The following OSBPL5 variants were observed in gnomAD, a reference collection of about 807,000 sequenced individuals.
OSBPL5 encodes oxysterol binding protein like 5.
OSBPL5 carries 71 observed loss-of-function variants against 111.2 expected under a neutral mutation model. The observed-to-expected ratio is 0.64, with a 90% CI of 0.53 to 0.78. The LOEUF (loss-of-function observed/expected upper bound fraction) is 0.78. Ranked by LOEUF, OSBPL5 falls within the 30% of genes least tolerant of loss-of-function variation. OSBPL5 has a pLI of 0.00. For synonymous variants in OSBPL5, 549 were observed against 513.9 expected, an observed-to-expected ratio of 1.07 and a Z score of -0.93; for missense variants, 1,210 against 1,189.3, an observed-to-expected ratio of 1.02 and a Z score of -0.26.
At chr11:3,164,812 G>A (rs1847064238) in intron 1 of OSBPL5, among the ~76,000 whole-genome samples, 1 of 152,198 alleles carries the variant, frequency 6.6e-6, no homozygotes, top group Non-Finnish European at 1.5e-5. Flanking sequence ...TGGGGGGACA[G>A]ACCCCCTGAT....
At position 3,107,832 on chromosome 11, in the gene OSBPL5, G is replaced by T; in HGVS notation, c.805C>A (p.Pro269Thr). 6.2e-7 allele frequency: 1 copy of T among 1,612,294 alleles called. No individual in the cohort carries two copies. The highest frequency in any genetic ancestry group is 8.5e-7 in the Non-Finnish European group (1 of 1,179,962). Reference sequence around the variant, plus strand: ...GCTGGCAGCCCACAGAGCGATGAGGGTGATGCGTCTGGCGAGGTCCCTGGC... The same window carrying T: ...GCTGGCAGCCCACAGAGCGATGAGGTTGATGCGTCTGGCGAGGTCCCTGGC... ...GEPGTSPDAS[P>T]SSLCGLPASA... is the part of the protein sequence containing the mutation. The change falls in exon 8 of 22, where the codon CCC becomes ACC. Residue 269 changes from proline to threonine, a missense_variant. Coordinates refer to ENST00000263650, the MANE Select transcript of OSBPL5 (RefSeq NM_020896.4). This position sits in a 1 kb window ranked among gnomAD's most constrained non-coding sequence, Gnocchi z 6.1.
chr11:3,115,521 A>C (rs935456342), intron 7 of OSBPL5, among the ~76,000 whole-genome samples: 2 of 152,216 alleles, frequency 1.3e-5, no homozygotes, highest in Non-Finnish European at 2.9e-5. Flanking sequence ...AAAGCTGTTC[A>C]ACTCCTCAAG....
At chr11:3,090,746 C>T (rs765482704) in intron 19 of OSBPL5, 50 bp from the exon 20 acceptor site, 4 of 1,551,666 alleles carry the variant, frequency 2.6e-6, no homozygotes, top group East Asian at 2.3e-5. Flanking sequence ...CGCCCCCTGC[C>T]CAGGCCCCAG....
Position 3,088,148 on chromosome 11 carries a change from G to A in OSBPL5, c.*57C>T. ...TGCCTCCATGGAGCAGGCTTAAAGT[G>A]CTGGGTGCCTGGGAGGGAGGGCTCA... On this transcript the variant is annotated 3_prime_UTR_variant, in exon 22 of 22. Transcript: ENST00000263650. 1 of 1,455,592 alleles carries A rather than the reference G, an allele frequency of 6.9e-7. No individual in the cohort carries two copies. The highest frequency in any genetic ancestry group is 9.2e-7 in the Non-Finnish European group (1 of 1,091,156). 90.2% of individuals were successfully genotyped at this position (1,455,592 alleles called of 1,614,324 possible). A position where few individuals can be genotyped will look rare whatever the true frequency, so the allele number is the denominator to read the frequency against.
intron 1 of OSBPL5, among the ~76,000 whole-genome samples, chr11:3,143,552 C>T (rs1251832966): frequency 1.3e-5 from 2 of 152,188 alleles, no homozygotes; most frequent in South Asian, 4.1e-4. Flanking sequence ...CTCACACATG[C>T]GACGACACGG....
intron 14 of OSBPL5, among the ~76,000 whole-genome samples, chr11:3,095,617 C>T (rs999410360): frequency 7.9e-5 from 12 of 152,170 alleles, no homozygotes; most frequent in African/African-American, 2.9e-4. Context: ...TCACCAAATA[C>T]GTTCCTATCA....
Position 3,088,197 on chromosome 11 carries a change from C to G in OSBPL5, c.*8G>C, listed in dbSNP as rs753994345. 7.6e-6 allele frequency: 12 copies of G among 1,574,764 alleles called. No homozygotes were observed. The highest frequency in any genetic ancestry group is 1.7e-4 in the Middle Eastern group (1 of 5,890). On this transcript the variant is annotated 3_prime_UTR_variant, in exon 22 of 22. Coordinates refer to ENST00000263650, the MANE Select transcript of OSBPL5 (RefSeq NM_020896.4). Reference sequence around the variant, plus strand: ...CAGGACCGGCCAGGAGCTCTGCCCTCAGGGCTCCTATTTGAGGATGTGGTT... The same window carrying G: ...CAGGACCGGCCAGGAGCTCTGCCCTGAGGGCTCCTATTTGAGGATGTGGTT...
In OSBPL5 at chr11:3,110,336, G is replaced by A. The variant is rs1218512042; in HGVS notation, c.692-2391C>T. ...GAGGTGGGGTAGGGCCCCAACCTCA[G>A]GTTAGAGGGAGGAACGGCCAAGAGG... On this transcript the variant is annotated intron_variant, in intron 7 of 21. Transcript: ENST00000263650. This position sits in a 1 kb window ranked among gnomAD's most constrained non-coding sequence, Gnocchi z 5.3. Among the ~76,000 whole-genome samples the A allele has an allele frequency of 6.6e-6, 1 of 151,792 alleles. No homozygotes were observed. The highest frequency in any genetic ancestry group is 2.4e-5 in the African/African-American group (1 of 41,036).
Position 3,122,111 on chromosome 11 carries a change from C to A in OSBPL5, c.301-13G>T. On this transcript the variant is annotated splice_polypyrimidine_tract_variant and intron_variant, in intron 4 of 21. Transcript: ENST00000263650. ...TCTCCTTCTGCGCCTGGGCCCGGGG[C>A]ACCCGCGGTGGGTCATGGGAGAAGG... 1 of 1,551,078 alleles carries A rather than the reference C, an allele frequency of 6.4e-7. No individual in the cohort carries two copies. Among genetic ancestry groups the A allele is most frequent in the Non-Finnish European group, 8.7e-7 (1 of 1,153,204 alleles).
chr11:3,095,414 C>T (rs1236457139), intron 14 of OSBPL5, among the ~76,000 whole-genome samples: 1 of 151,984 alleles, frequency 6.6e-6, no homozygotes, highest in African/African-American at 2.4e-5. Flanking sequence ...GAACCTGGAG[C>T]TCCCGGGAGA....
At chr11:3,119,257 C>T (rs888222226) in intron 7 of OSBPL5, among the ~76,000 whole-genome samples, 12 of 151,438 alleles carry the variant, frequency 7.9e-5, no homozygotes, top group Non-Finnish European at 1.2e-4. Flanking sequence ...GTAATCTACC[C>T]GCCTTGGCTT....
At chr11:3,122,749 T>G (rs1235633781) in intron 3 of OSBPL5, among the ~76,000 whole-genome samples, 68 of 152,164 alleles carry the variant, frequency 4.5e-4, no homozygotes, top group Non-Finnish European at 5.9e-5. Context: ...GGTTCAGGGC[T>G]GACTTCCTAC....
At chr11:3,119,503 C>T (rs1048560946) in intron 7 of OSBPL5, 44 bp downstream of exon 7, 1 of 1,532,936 alleles carries the variant, frequency 6.5e-7, no homozygotes, top group Non-Finnish European at 8.7e-7. Context: ...GGGCCCACTT[C>T]AGGTGGGGGC....
At chr11:3,129,214 A>G in intron 1 of OSBPL5, 45 bp from the exon 2 acceptor site, 1 of 1,355,326 alleles carries the variant, frequency 7.4e-7, no homozygotes, top group Non-Finnish European at 9.5e-7. Context: ...CCGCCCCGGA[A>G]GGGGCTTCAG....
chr11:3,103,211 C>T (rs771369173), intron 11 of OSBPL5, 28 bp downstream of exon 11: 67 of 1,574,874 alleles, frequency 4.3e-5, no homozygotes, highest in Non-Finnish European at 5.7e-5. Context: ...GGCCGGAGCC[C>T]CACCCTCCCT....
chr11:3,103,848 TTTCCAGTCTGCGCAGCCCC>T (rs1857587373), intron 10 of OSBPL5, among the ~76,000 whole-genome samples: 40 of 55,132 alleles, frequency 7.3e-4, no homozygotes, highest in Non-Finnish European at 9.0e-4. Flanking sequence ...CTGCAGCCCC[TTTCCAGTCTGCGCAGCCCC>T]CTTCCTGCCT....
In OSBPL5 at chr11:3,160,506, C is replaced by T. The variant is rs779402589; in HGVS notation, c.-22+4710G>A. On this transcript the variant is annotated intron_variant, in intron 1 of 21. Transcript: ENST00000263650. ...GGAGCCGCAGCCCAGCGAATGGGACCCACAGCGGCGCGCCCTTTAGTTGAC... is the reference window on the plus strand; with the variant it reads ...GGAGCCGCAGCCCAGCGAATGGGACTCACAGCGGCGCGCCCTTTAGTTGAC... Among the ~76,000 whole-genome samples, 10 of 152,198 alleles carry T rather than the reference C, an allele frequency of 6.6e-5. 1 individual carries two copies. The highest frequency in any genetic ancestry group is 1.3e-4 in the Admixed American group (2 of 15,286).
rs916466925 is a variant in OSBPL5, at chr11:3,106,066, C to T, written c.1059+1197G>A. ...CCCCAATACTCTCAGCCTGAGGCCC[C>T]CAGGGCCCTCGGTCCACTCCCCATA... On this transcript the variant is annotated intron_variant, in intron 9 of 21. Coordinates refer to ENST00000263650, the MANE Select transcript of OSBPL5 (RefSeq NM_020896.4). The surrounding 1 kb of genome is among the most constrained non-coding windows in gnomAD (Gnocchi z 8.4). Among the ~76,000 whole-genome samples the T allele has an allele frequency of 6.6e-6, 1 of 152,146 alleles. No individual in the cohort carries two copies. Among genetic ancestry groups the T allele is most frequent in the African/African-American group, 2.4e-5 (1 of 41,426 alleles).
In OSBPL5 at chr11:3,146,623, T is replaced by G. The variant is rs989355408; in HGVS notation, c.-21-17454A>C. ...GGTTTCGGGCACTCCGTCGCTTGCC[T>G]TCTGCAGAGCTGCTAAGCCGCTGGG... is the stretch of plus-strand genomic sequence containing the variant. On this transcript the variant is annotated intron_variant, in intron 1 of 21. Coordinates refer to ENST00000263650, the MANE Select transcript of OSBPL5 (RefSeq NM_020896.4). The surrounding 1 kb of genome is among the most constrained non-coding windows in gnomAD (Gnocchi z 7.8). 1 of 152,188 alleles carries G rather than the reference T, an allele frequency of 6.6e-6. No individual in the cohort carries two copies. The allele number at this position is 152,188 out of a possible 1,614,324, so 9.4% of individuals were successfully genotyped here.
Sources: allele counts gnomAD v4.1 joint callset (sites outside exome capture counted in the v4.1 genomes callset), GRCh38; gene constraint gnomAD v4.1.1; non-coding constraint Gnocchi (gnomAD v3.1); transcripts MANE v1.5; gene names NCBI Gene and HGNC (gene_info 2026-07-23, HGNC 2026-07-21).